Variants in PARP11 observed in about 807,000 individuals in gnomAD.
PARP11 encodes the protein protein mono-ADP-ribosyltransferase PARP11.
PARP11 carries 31 observed loss-of-function variants against 42.9 expected under a neutral mutation model. That is an observed-to-expected ratio of 0.72 (90% CI 0.54 to 0.98). The LOEUF is 0.98. Among genes scored for constraint, PARP11 ranks in the 50% least tolerant of loss-of-function variants. PARP11 has a pLI of 0.00. For missense variants in PARP11, 365 were observed against 413.1 expected (o/e 0.88, Z 1.01); for synonymous variants, 137 against 127.3 (o/e 1.08, Z -0.51).
rs1362006290 is a variant in PARP11, at chr12:3,822,439, A to G, written c.345-282T>C. Among the ~76,000 whole-genome samples, 4 of 139,472 alleles carry G rather than the reference A, an allele frequency of 2.9e-5. No homozygotes were observed. The Admixed American group carries it at 3.1e-4, about 11-fold the overall frequency. The allele number at this position is 139,472 out of a possible 152,430, so 91.5% of individuals were successfully genotyped here. On this transcript the variant is annotated intron_variant, in intron 4 of 7. Coordinates refer to ENST00000228820, the MANE Select transcript of PARP11 (RefSeq NM_020367.6). ...CGGTGAAACCCCGTCTCTACTAAAAATACAAAAAAATTAGCCAGGCGTGGG... is the reference window on the plus strand; with the variant it reads ...CGGTGAAACCCCGTCTCTACTAAAAGTACAAAAAAATTAGCCAGGCGTGGG...
intron 1 of PARP11, among the ~76,000 whole-genome samples, chr12:3,853,052 G>A (rs1364147498): frequency 6.6e-6 from 1 of 152,170 alleles, no homozygotes; most frequent in Non-Finnish European, 1.5e-5. Context: ...AAGTGAAGGA[G>A]AAATAAAATC....
chr12:3,841,346 A>C (rs1947885961), intron 1 of PARP11: 1 of 1,242,312 alleles, frequency 8.0e-7, no homozygotes, highest in Middle Eastern at 1.9e-4. Context: ...TACCCTCTGC[A>C]CCAGGCCTAC....
At chr12:3,851,673 TG>T (rs1948097322) in intron 1 of PARP11, among the ~76,000 whole-genome samples, 1 of 152,168 alleles carries the variant, frequency 6.6e-6, no homozygotes, top group African/African-American at 2.4e-5. Flanking sequence ...ACTCCACCTC[TG>T]GGGGCAGGGC....
intron 4 of PARP11, among the ~76,000 whole-genome samples, chr12:3,822,476 G>A (rs1024230404): frequency 6.8e-6 from 1 of 146,710 alleles, no homozygotes; most frequent in East Asian, 2.1e-4. Flanking sequence ...GCGGGCGCCT[G>A]TAGTCCCAGC....
chr12:3,845,455 T>A, intron 1 of PARP11, among the ~76,000 whole-genome samples: 1 of 152,224 alleles, frequency 6.6e-6, no homozygotes, highest in Non-Finnish European at 1.5e-5. Context: ...TATGATTGAC[T>A]TGGTGCAATA....
At chr12:3,868,723 G>A (rs1181789122) in intron 1 of PARP11, among the ~76,000 whole-genome samples, 5 of 152,044 alleles carry the variant, frequency 3.3e-5, no homozygotes, top group Admixed American at 1.3e-4. Flanking sequence ...ACCTTCATAG[G>A]TGACTTCATA....
At chr12:3,815,353 G>T (rs994496228) in intron 6 of PARP11, among the ~76,000 whole-genome samples, 2 of 152,072 alleles carry the variant, frequency 1.3e-5, no homozygotes, top group African/African-American at 4.8e-5. Context: ...AACCAAATCT[G>T]CCTTCTGTTA....
chr12:3,810,682 GGAAA>G lies in PARP11; in HGVS notation c.*1437_*1440del, dbSNP rs1353953922. Reference sequence around the variant, plus strand: ...AGGAAGGAAGGAAGGAAGGAAGGAAGGAAAGAAAGAAGGAAGGAAGAGAGAGAGA... The same window carrying G: ...AGGAAGGAAGGAAGGAAGGAAGGAAGGAAAGAAGGAAGGAAGAGAGAGAGA... On this transcript the variant is annotated 3_prime_UTR_variant, in exon 8 of 8. Coordinates refer to ENST00000228820, the MANE Select transcript of PARP11 (RefSeq NM_020367.6). The G allele has an allele frequency of 1.7e-4, 21 of 125,330 alleles. No homozygotes were observed. The highest frequency in any genetic ancestry group is 2.9e-4 in the Non-Finnish European group (17 of 58,836). The allele number at this position is 125,330 out of a possible 1,614,324, so 7.8% of individuals were successfully genotyped here.
At chr12:3,858,349 G>A (rs1161248725) in intron 1 of PARP11, among the ~76,000 whole-genome samples, 1 of 152,180 alleles carries the variant, frequency 6.6e-6, no homozygotes, top group African/African-American at 2.4e-5. Context: ...GAAAGTGGCT[G>A]TAGACAACAT....
chr12:3,872,615 T>G (rs1376320610), intron 1 of PARP11: 8 of 985,182 alleles, frequency 8.1e-6, no homozygotes, highest in Non-Finnish European at 9.6e-6. Flanking sequence ...ACTCCAAGTT[T>G]TAAACGACTG....
At position 3,810,042 on chromosome 12, in the gene PARP11, C is replaced by CT. The variant is rs1460947770; in HGVS notation, c.*2080dup. 1 of 152,218 alleles carries CT rather than the reference C, an allele frequency of 6.6e-6. No homozygotes were observed. The highest frequency in any genetic ancestry group is 2.4e-5 in the African/African-American group (1 of 41,444). The allele number at this position is 152,218 out of a possible 1,614,324, so 9.4% of individuals were successfully genotyped here. On this transcript the variant is annotated 3_prime_UTR_variant, in exon 8 of 8. Transcript: ENST00000228820. ...TAACGGAAATCTGGGATAGATGGCA[C>CT]TTTAAGAATTACTATCCCTAATCTG...
chr12:3,811,022 C>T lies in PARP11; in HGVS notation c.*1101G>A, dbSNP rs1228961922. The T allele has an allele frequency of 6.6e-6, 1 of 152,126 alleles. No homozygotes were observed. 9.4% of individuals were successfully genotyped at this position (152,126 alleles called of 1,614,324 possible). The stretch of plus-strand genomic sequence containing the variant: ...GTTCCAACACTTCTCATCTTCCTTA[C>T]AATGAAACAGCAAAACAGATGGAAC... On this transcript the variant is annotated 3_prime_UTR_variant, in exon 8 of 8. Transcript: ENST00000228820.
Position 3,841,562 on chromosome 12 carries a change from C to T in PARP11, c.19-11544G>A, listed in dbSNP as rs909490971. 3.9e-4 allele frequency: 632 copies of T among 1,607,276 alleles called. 1 individual carries two copies. The highest frequency in any genetic ancestry group is 4.9e-4 in the Non-Finnish European group (574 of 1,173,782). ...ACATTTTCTTCACCTCTGGTTATCC[C>T]TCCATCTCAGGTGTCTGAAAGTCAC... On this transcript the variant is annotated intron_variant, in intron 1 of 7. Transcript: ENST00000228820.
At chr12:3,847,040 G>A (rs542179574) in intron 1 of PARP11, among the ~76,000 whole-genome samples, 120 of 152,204 alleles carry the variant, frequency 7.9e-4, no homozygotes, top group African/African-American at 2.1e-3. Context: ...CTGCACCACT[G>A]CACTCCAGCC....
intron 1 of PARP11, among the ~76,000 whole-genome samples, chr12:3,830,851 G>A (rs180806440): frequency 1.3e-5 from 2 of 152,220 alleles, no homozygotes; most frequent in East Asian, 3.9e-4. Context: ...CAGGGTCTAC[G>A]CACTTAGCCG....
Position 3,812,304 on chromosome 12 carries a change from A to G in PARP11, c.836T>C (p.Leu279Pro). 6.2e-7 allele frequency: 1 copy of G among 1,614,242 alleles called. No individual in the cohort carries two copies. Among genetic ancestry groups the G allele is most frequent in the Non-Finnish European group, 8.5e-7 (1 of 1,180,030 alleles). The change falls in exon 8 of 8, where the codon CTT (leucine) becomes CCT (proline). Residue 279 changes from leucine to proline, a missense_variant. By Grantham distance (98) the Leu-to-Pro change is moderately conservative (BLOSUM62 -3). Transcript: ENST00000228820. ...HLFRTYKSMF[L>P]ARVLIGDYIN... ...GTAATCTCCAATTAGCACTCGAGCA[A>G]GAAACATAGATTTATATGTTCTAAA...
intron 6 of PARP11, among the ~76,000 whole-genome samples, chr12:3,818,588 G>A (rs1415869819): frequency 6.6e-6 from 1 of 152,126 alleles, no homozygotes; most frequent in African/African-American, 2.4e-5. Flanking sequence ...TCCCACATTA[G>A]CTGTCTTCTC....
intron 1 of PARP11, among the ~76,000 whole-genome samples, chr12:3,865,707 A>G (rs1948378415): frequency 6.6e-6 from 1 of 151,976 alleles, no homozygotes; most frequent in African/African-American, 2.4e-5. Flanking sequence ...ATCTTTCTCT[A>G]TTTAGTTTTA....
At chr12:3,852,482 G>A (rs2138096968) in intron 1 of PARP11, among the ~76,000 whole-genome samples, 1 of 152,282 alleles carries the variant, frequency 6.6e-6, no homozygotes, top group Middle Eastern at 3.4e-3. Flanking sequence ...CAAGAACTAT[G>A]TGACGCATGC....
Sources: gnomAD v4.1 joint callset for allele counts (sites outside exome capture counted in the v4.1 genomes callset) on GRCh38, gnomAD v4.1.1 for gene constraint, MANE v1.5 for transcripts, NCBI Gene and HGNC (gene_info 2026-07-23, HGNC 2026-07-21) for gene names.